C12orf42: variants seen among roughly 807,000 people sequenced by gnomAD.
C12orf42 encodes chromosome 12 open reading frame 42.
Under a neutral mutation model 21.6 loss-of-function variants are expected in C12orf42, and 25 were observed. The observed-to-expected ratio is 1.16, with a 90% CI of 0.84 to 1.62. The LOEUF (loss-of-function observed/expected upper bound fraction) is 1.62, where lower values mean the gene tolerates loss of function less well. Among genes scored for constraint, C12orf42 ranks in the 40% most tolerant of loss-of-function variants. The pLI is 0.00. For missense variants in C12orf42, 483 were observed against 459.3 expected (o/e 1.05, Z -0.47); for synonymous variants, 174 against 175.0 (o/e 0.99, Z 0.05).
In C12orf42 at chr12:103,309,862, T is replaced by C. The variant is rs113187730; in HGVS notation, c.260-3517A>G. Among the ~76,000 whole-genome samples the C allele has an allele frequency of 5.8e-3, 888 of 152,342 alleles. 5 individuals are homozygous for C. Among genetic ancestry groups the C allele is most frequent in the Non-Finnish European group, 9.0e-3 (611 of 68,032 alleles). On this transcript the variant is annotated intron_variant, in intron 4 of 5. Transcript: ENST00000548883. ...GACACAGCCCTCCTGAGCCACAGCT[T>C]TGTCCGAGAGTGGAGACCAAAGCAA... is the stretch of plus-strand genomic sequence containing the variant.
chr12:103,476,992 C>A (rs1004178928), intron 2 of C12orf42: 10 of 152,034 alleles, frequency 6.6e-5, no homozygotes, highest in Non-Finnish European at 1.5e-4. Context: ...AGAGATTTCA[C>A]TGTGATCCAG....
chr12:103,558,991 AC>A, the C12orf42 span: 3 of 152,138 alleles, frequency 2.0e-5, no homozygotes, highest in Non-Finnish European at 4.4e-5. Context: ...GGTTGTTCAA[AC>A]CCTGCACATT....
At chr12:103,268,180 C>T (rs1042895994), downstream of C12orf42, 4 of 151,412 alleles carry the variant, frequency 2.6e-5, no homozygotes, top group African/African-American at 9.7e-5. Flanking sequence ...TTCTCTGTCT[C>T]CTCTTCTTTA....
intron 10 of C12orf42, among the ~76,000 whole-genome samples, chr12:103,248,597 C>A (rs1435369437): frequency 6.6e-6 from 1 of 151,916 alleles, no homozygotes; most frequent in East Asian, 1.9e-4. Context: ...CTTTGAAAAG[C>A]ATAGAGACAT....
the C12orf42 span, among the ~76,000 whole-genome samples, chr12:103,165,989 G>A: frequency 2.0e-5 from 3 of 151,504 alleles, no homozygotes; most frequent in African/African-American, 7.3e-5. Flanking sequence ...GGAGTGAGCC[G>A]AGATCGCGCC....
intron 2 of C12orf42, among the ~76,000 whole-genome samples, chr12:103,473,227 T>C (rs955004697): frequency 3.9e-5 from 6 of 152,204 alleles, no homozygotes; most frequent in Non-Finnish European, 5.9e-5. Flanking sequence ...AAATAATAAT[T>C]ATAATAGTAC....
chr12:103,232,590 A>G, the C12orf42 span, among the ~76,000 whole-genome samples: 1 of 152,088 alleles, frequency 6.6e-6, no homozygotes, highest in East Asian at 1.9e-4. Flanking sequence ...AGGCGCCTGT[A>G]GTCCCAGCTA....
the C12orf42 span, among the ~76,000 whole-genome samples, chr12:103,223,518 T>C: frequency 6.6e-6 from 1 of 152,086 alleles, no homozygotes; most frequent in Non-Finnish European, 1.5e-5. Context: ...CCAGCAAAGA[T>C]TATTTATTTA....
chr12:103,408,210 G>C (rs964030760), intron 2 of C12orf42, among the ~76,000 whole-genome samples: 1 of 152,196 alleles, frequency 6.6e-6, no homozygotes, highest in Non-Finnish European at 1.5e-5. Flanking sequence ...CTAGATTCTG[G>C]AGAGTGACAT....
At chr12:103,396,852 C>T (rs891872328) in intron 3 of C12orf42, among the ~76,000 whole-genome samples, 7 of 152,096 alleles carry the variant, frequency 4.6e-5, no homozygotes, top group African/African-American at 1.7e-4. Context: ...TATGTAGAGT[C>T]TTGGAATCAT....
intron 10 of C12orf42, among the ~76,000 whole-genome samples, chr12:103,252,921 A>AT (rs140740448): frequency 2.0e-5 from 3 of 151,876 alleles, no homozygotes; most frequent in Admixed American, 6.6e-5. Flanking sequence ...TTCTTCCAGG[A>AT]TTTTTTTAAT....
At chr12:103,220,967 T>C in the C12orf42 span, among the ~76,000 whole-genome samples, 1 of 152,280 alleles carries the variant, frequency 6.6e-6, no homozygotes, top group Non-Finnish European at 1.5e-5. Flanking sequence ...TGAATCTCTC[T>C]GTTGCTCCAA....
the C12orf42 span, among the ~76,000 whole-genome samples, chr12:103,192,856 G>A: frequency 6.7e-6 from 1 of 148,644 alleles, no homozygotes; most frequent in Non-Finnish European, 1.5e-5. Flanking sequence ...AAATCAACAA[G>A]GGAGGCTGAC....
At chr12:103,302,677 AAAG>A in intron 5 of C12orf42, 118 bp from the exon 6 acceptor site, 1 of 725,386 alleles carries the variant, frequency 1.4e-6, no homozygotes, top group Non-Finnish European at 2.0e-6. Flanking sequence ...CTCAGAGGGG[AAAG>A]AAAAAAAAAA....
downstream of C12orf42, chr12:103,267,941 G>C (rs138573542): frequency 2.5e-3 from 382 of 152,190 alleles, no homozygotes; most frequent in African/African-American, 8.9e-3. Flanking sequence ...TGAATAAATA[G>C]TCCTTCCTAT....
intron 3 of C12orf42, among the ~76,000 whole-genome samples, chr12:103,370,904 A>G (rs1224319903): frequency 1.3e-5 from 2 of 152,090 alleles, no homozygotes; most frequent in Non-Finnish European, 2.9e-5. Context: ...TAATAATATA[A>G]ATAAATAAAA....
intron 3 of C12orf42, among the ~76,000 whole-genome samples, chr12:103,371,454 C>A (rs909465036): frequency 6.6e-6 from 1 of 152,126 alleles, no homozygotes; most frequent in African/African-American, 2.4e-5. Flanking sequence ...GGGTCAGAAA[C>A]CCCTTCTTTA....
At chr12:103,416,975 T>C (rs1340760177) in intron 2 of C12orf42, among the ~76,000 whole-genome samples, 1 of 152,206 alleles carries the variant, frequency 6.6e-6, no homozygotes, top group African/African-American at 2.4e-5. Context: ...TCCCTTATTT[T>C]CAAACATGGA....
downstream of C12orf42, among the ~76,000 whole-genome samples, chr12:103,300,927 A>C (rs895334810): frequency 6.6e-6 from 1 of 152,214 alleles, no homozygotes; most frequent in Non-Finnish European, 1.5e-5. Context: ...TTAAAAAATC[A>C]TATTAATCTG....
Sources: gnomAD v4.1 joint callset for allele counts (sites outside exome capture counted in the v4.1 genomes callset) on GRCh38, gnomAD v4.1.1 for gene constraint, MANE v1.5 for transcripts, NCBI Gene and HGNC (gene_info 2026-07-23, HGNC 2026-07-21) for gene names.